Variants in SCN10A observed in about 807,000 individuals in gnomAD.
SCN10A encodes sodium voltage-gated channel alpha subunit 10.
A neutral mutation model predicts 170.7 loss-of-function variants in SCN10A; 162 were observed. The ratio of observed to expected loss-of-function variants is 0.95; its 90% confidence interval spans 0.84 to 1.08. SCN10A has a LOEUF of 1.08. Among genes scored for constraint, SCN10A ranks in the 50% least tolerant of loss-of-function variants. SCN10A has a pLI of 0.00. For missense variants in SCN10A, 2,527 were observed against 2,436.9 expected, an observed-to-expected ratio of 1.04 and a Z score of -0.78; for synonymous variants, 985 against 904.6, an observed-to-expected ratio of 1.09 and a Z score of -1.59.
chr3:38,770,761 G>A (rs2063989376), intron 5 of SCN10A, among the ~76,000 whole-genome samples: 1 of 152,060 alleles, frequency 6.6e-6, no homozygotes, highest in Admixed American at 6.5e-5. Flanking sequence ...AATTTTAGTT[G>A]AAACTTCTTT....
At chr3:38,716,258 G>T (rs1400663066) in intron 21 of SCN10A, among the ~76,000 whole-genome samples, 1 of 151,938 alleles carries the variant, frequency 6.6e-6, no homozygotes, top group Non-Finnish European at 1.5e-5. Flanking sequence ...GATATGGTTT[G>T]GCTGTGTCCC....
At chr3:38,708,498 C>T (rs1476898562) in intron 25 of SCN10A, among the ~76,000 whole-genome samples, 1 of 152,146 alleles carries the variant, frequency 6.6e-6, no homozygotes, top group Non-Finnish European at 1.5e-5. Flanking sequence ...TGCTCAGAAC[C>T]CTGGGCAAGG....
chr3:38,770,784 C>T lies in SCN10A; in HGVS notation c.599+495G>A, dbSNP rs545929782. 9.9e-4 allele frequency among the ~76,000 whole-genome samples: 150 copies of T among 152,242 alleles called. 3 individuals are homozygous for T. In the South Asian group the frequency reaches 0.03, roughly 30 times the overall value. ...TTGAAACTTCTTTCATCCTGTGACCCCTCCCTGATTCCACTGGCTGCCTTC... is the reference window on the plus strand; with the variant it reads ...TTGAAACTTCTTTCATCCTGTGACCTCTCCCTGATTCCACTGGCTGCCTTC... On this transcript the variant is annotated intron_variant, in intron 5 of 27. Coordinates refer to ENST00000449082, the MANE Select transcript of SCN10A (RefSeq NM_006514.4).
At position 38,746,100 on chromosome 3, in the gene SCN10A, T is replaced by TATATATATATATATATATATATCTAG. The variant is rs71085336; in HGVS notation, c.1868-3572_1868-3571insCTAGATATATATATATATATATATAT. 2.6e-4 allele frequency among the ~76,000 whole-genome samples: 26 copies of TATATATATATATATATATATATCTAG among 99,826 alleles called. 1 individual carries two copies. Among genetic ancestry groups the TATATATATATATATATATATATCTAG allele is most frequent in the African/African-American group, 8.3e-4 (23 of 27,742 alleles). The allele number at this position is 99,826 out of a possible 152,430, so 65.5% of individuals were successfully genotyped here. ...ATATATATATATATATATATATATATGCCATCTTTGTCATCTAAGTTCTAG... is the reference window on the plus strand; with the variant it reads ...ATATATATATATATATATATATATATATATATATATATATATATATATCTAGGCCATCTTTGTCATCTAAGTTCTAG... On this transcript the variant is annotated intron_variant, in intron 13 of 27. Transcript: ENST00000449082.
At chr3:38,738,251 T>C (rs2063592278) in intron 15 of SCN10A, among the ~76,000 whole-genome samples, 1 of 152,100 alleles carries the variant, frequency 6.6e-6, no homozygotes, top group African/African-American at 2.4e-5. Context: ...CACATTGATT[T>C]CTATGTAAAC....
At chr3:38,784,557 T>C (rs1199555253) in intron 4 of SCN10A, among the ~76,000 whole-genome samples, 1 of 152,118 alleles carries the variant, frequency 6.6e-6, no homozygotes, top group East Asian at 1.9e-4. Context: ...AAGCATTTCC[T>C]TTGAAAACCA....
At chr3:38,756,893 G>A (rs1251434693) in intron 9 of SCN10A, 22 bp from the exon 10 acceptor site, 5 of 1,613,268 alleles carry the variant, frequency 3.1e-6, no homozygotes, top group African/African-American at 1.3e-5. Context: ...AGGGAAAGAA[G>A]AGAAACCTGT....
rs1415709587 is a variant in SCN10A, at chr3:38,736,962, CGTTTTTTTT to C, written c.2280+2544_2280+2552del. Among the ~76,000 whole-genome samples the C allele has an allele frequency of 1.5e-3, 101 of 69,244 alleles. 1 individual carries two copies. The highest frequency in any genetic ancestry group is 9.7e-3 in the South Asian group (21 of 2,160). 45.4% of individuals were successfully genotyped at this position (69,244 alleles called of 152,430 possible). ...CTTCCCCAAGTGTAGCAGAAATGTT[CGTTTTTTTT>C]TTTTTTTTTTTTTTTTTGAGACGGA... On this transcript the variant is annotated intron_variant, in intron 15 of 27. Transcript: ENST00000449082.
Position 38,755,924 on chromosome 3 carries a change from A to C in SCN10A, c.1325T>G (p.Leu442Arg), listed in dbSNP as rs1373914068. Residue 442 changes from leucine (L) to arginine (R), a missense_variant, in exon 11 of 28, where the codon CTC becomes CGC. Transcript: ENST00000449082. ...LAALGIDTTSLHSHNGSPLTS... is the reference protein window; with the variant it reads ...LAALGIDTTSRHSHNGSPLTS... ...TAAAGGTGATCCATTGTGGGAGTGGAGAGAGGTTGTGTCAATCCCTAGTGC... is the reference window on the plus strand; with the variant it reads ...TAAAGGTGATCCATTGTGGGAGTGGCGAGAGGTTGTGTCAATCCCTAGTGC... 4 of 1,614,078 alleles carry C rather than the reference A, an allele frequency of 2.5e-6. No individual in the cohort carries two copies. Among genetic ancestry groups the C allele is most frequent in the African/African-American group, 1.3e-5 (1 of 74,920 alleles).
intron 1 of SCN10A, among the ~76,000 whole-genome samples, chr3:38,801,331 C>T (rs2064369334): frequency 6.6e-6 from 1 of 152,114 alleles, no homozygotes; most frequent in Non-Finnish European, 1.5e-5. Flanking sequence ...ATAATTATCC[C>T]TTTTTGTCTC....
chr3:38,791,111 T>A (rs1385086185), intron 3 of SCN10A, among the ~76,000 whole-genome samples: 1 of 152,172 alleles, frequency 6.6e-6, no homozygotes, highest in East Asian at 1.9e-4. Flanking sequence ...AACTCTTTTT[T>A]ACTGAAGCCT....
chr3:38,768,725 G>T (rs1275851261), intron 5 of SCN10A, among the ~76,000 whole-genome samples: 1 of 152,026 alleles, frequency 6.6e-6, no homozygotes. Flanking sequence ...ATGTCTATTT[G>T]CCTAGGTGAT....
chr3:38,759,947 G>T (rs1485412913), intron 8 of SCN10A, among the ~76,000 whole-genome samples: 2 of 152,204 alleles, frequency 1.3e-5, no homozygotes, highest in East Asian at 3.8e-4. Flanking sequence ...ACTTGTGAGG[G>T]TAATGTGGCT....
chr3:38,711,736 G>C (rs1575937498), intron 23 of SCN10A, among the ~76,000 whole-genome samples: 1 of 152,218 alleles, frequency 6.6e-6, no homozygotes, highest in Non-Finnish European at 1.5e-5. Context: ...AAGAAAGAAA[G>C]ACAGGATGAA....
Position 38,752,474 on chromosome 3 carries a change from A to G in SCN10A, c.1500T>C (p.Ser500=). ...LGLASGKRRA[S]HGSVFHFRSP... Reference sequence around the variant, plus strand: ...ACCGGAAATGGAACACACTGCCATGACTAGCCCGGCGTTTTCCAGAGGCGA... The same window carrying G: ...ACCGGAAATGGAACACACTGCCATGGCTAGCCCGGCGTTTTCCAGAGGCGA... The change falls in exon 12 of 28, where the codon AGT becomes AGC. Residue 500 remains serine, a synonymous_variant. Transcript: ENST00000449082. 1 of 1,607,890 alleles carries G rather than the reference A, an allele frequency of 6.2e-7. No homozygotes were observed.
chr3:38,805,916 C>A (rs957760122), intron 1 of SCN10A, among the ~76,000 whole-genome samples: 17 of 152,082 alleles, frequency 1.1e-4, no homozygotes, highest in Middle Eastern at 3.2e-3. Context: ...GGAGCAGGAC[C>A]AAAGTAATTT....
At chr3:38,737,726 G>A (rs1247054056) in intron 15 of SCN10A, among the ~76,000 whole-genome samples, 3 of 148,714 alleles carry the variant, frequency 2.0e-5, no homozygotes, top group South Asian at 2.2e-4. Context: ...GCCATAGCTC[G>A]TCCTTCCCTC....
intron 19 of SCN10A, 82 bp downstream of exon 19, chr3:38,723,348 T>C: frequency 6.5e-7 from 1 of 1,545,030 alleles, no homozygotes; most frequent in Admixed American, 1.7e-5. Flanking sequence ...TTGTCTTCTG[T>C]GGATCCCAGG....
intron 16 of SCN10A, 28 bp downstream of exon 16, chr3:38,728,514 A>T: frequency 1.3e-6 from 2 of 1,530,250 alleles, no homozygotes; most frequent in Non-Finnish European, 1.8e-6. Context: ...CCCAGGAGAC[A>T]GTGCCCCCAG....
Sources: gnomAD v4.1 joint callset for allele counts (sites outside exome capture counted in the v4.1 genomes callset) on GRCh38, gnomAD v4.1.1 for gene constraint, MANE v1.5 for transcripts, NCBI Gene and HGNC (gene_info 2026-07-23, HGNC 2026-07-21) for gene names.